WDFY3: variants seen among roughly 807,000 people sequenced by gnomAD.
The protein encoded by WDFY3 is WD repeat and FYVE domain-containing protein 3.
WDFY3 carries 66 observed loss-of-function variants against 409.6 expected under a neutral mutation model. The observed-to-expected ratio is 0.16, with a 90% CI of 0.13 to 0.20. The LOEUF is 0.20. Among genes scored for constraint, WDFY3 ranks in the 10% least tolerant of loss-of-function variants. The probability of loss-of-function intolerance (pLI) is 1.00; values close to 1 mark genes in which losing one functional copy is unlikely to be tolerated. For synonymous variants in WDFY3, 1,521 were observed against 1,537.1 expected (o/e 0.99, Z 0.25); for missense variants, 3,031 against 4,298.1 (o/e 0.71, Z 8.24).
chr4:84,935,339 T>C (rs1307132589), intron 1 of WDFY3, among the ~76,000 whole-genome samples: 8 of 152,206 alleles, frequency 5.3e-5, no homozygotes, highest in Admixed American at 3.9e-4. Context: ...TACCAAAAGG[T>C]AGTAGCAGAA....
At chr4:84,838,018 T>C (rs867633447) in intron 6 of WDFY3, among the ~76,000 whole-genome samples, 21 of 152,156 alleles carry the variant, frequency 1.4e-4, no homozygotes, top group African/African-American at 4.1e-4. Context: ...TAAAAGGGAT[T>C]GACTAACACT....
Position 84,857,913 on chromosome 4 carries a change from C to T in WDFY3, c.180+2499G>A, listed in dbSNP as rs548318888. 3.3e-5 allele frequency among the ~76,000 whole-genome samples: 5 copies of T among 152,244 alleles called. No individual in the cohort carries two copies. In the South Asian group the frequency reaches 1.0e-3, roughly 32 times the overall value. On this transcript the variant is annotated intron_variant, in intron 4 of 67. Coordinates refer to ENST00000295888, the MANE Select transcript of WDFY3 (RefSeq NM_014991.6). ...CTTCTGCCTTACCAGCCTATACAAA[C>T]CTCAATCTCAATAAATCAGGTATTG... is the stretch of plus-strand genomic sequence containing the variant.
chr4:84,796,536 G>A lies in WDFY3; in HGVS notation c.3152C>T (p.Ser1051Leu). The A allele has an allele frequency of 6.3e-7, 1 of 1,593,506 alleles. No homozygotes were observed. Residue 1051 changes from serine to leucine, a missense_variant, in exon 19 of 68, where the codon TCA becomes TTA. Transcript: ENST00000295888. Reference protein sequence around the residue: ...VTPAFVEFDTSLEGFGCLFLP... With the variant: ...VTPAFVEFDTLLEGFGCLFLP... ...AATTTCTTACCCAAACCCTTCAAGT[G>A]ATGTGTCAAATTCAACAAAAGCTGG...
Position 84,821,343 on chromosome 4 carries a change from G to A in WDFY3, c.1332C>T (p.Tyr444=). ...ISKLPEVQNK[Y]FEMLEFVVFS... is the part of the protein sequence containing the mutation. ...AAACAACAAACTCCAGCATCTCAAAGTATTTGTTTTGTACTTCTGGGAGTT... is the reference window on the plus strand; with the variant it reads ...AAACAACAAACTCCAGCATCTCAAAATATTTGTTTTGTACTTCTGGGAGTT... The change falls in exon 11 of 68, where the codon TAC becomes TAT. Residue 444 remains tyrosine, a synonymous_variant. Coordinates refer to ENST00000295888, the MANE Select transcript of WDFY3 (RefSeq NM_014991.6). 6.2e-7 allele frequency: 1 copy of A among 1,613,830 alleles called. No homozygotes were observed.
At chr4:84,831,357 A>T in intron 8 of WDFY3, 56 bp downstream of exon 8, 1 of 1,227,708 alleles carries the variant, frequency 8.1e-7, no homozygotes, top group South Asian at 2.4e-5. Context: ...ATCTATTATT[A>T]AATGAAGAAA....
At chr4:84,939,121 A>G (rs1434048644) in intron 1 of WDFY3, among the ~76,000 whole-genome samples, 1 of 152,058 alleles carries the variant, frequency 6.6e-6, no homozygotes, top group Non-Finnish European at 1.5e-5. Flanking sequence ...TTAATTTGGA[A>G]CACTTCCATA....
intron 7 of WDFY3, among the ~76,000 whole-genome samples, chr4:84,835,993 A>T (rs1478490481): frequency 6.6e-6 from 1 of 152,200 alleles, no homozygotes; most frequent in Non-Finnish European, 1.5e-5. Context: ...AACTAGATCT[A>T]AACATGTTGT....
intron 36 of WDFY3, among the ~76,000 whole-genome samples, chr4:84,747,106 G>T (rs1336362217): frequency 1.3e-5 from 2 of 152,162 alleles, no homozygotes; most frequent in Non-Finnish European, 2.9e-5. Context: ...ATCTGCTCTG[G>T]ACTCTGGTGG....
chr4:84,912,115 T>C lies in WDFY3; in HGVS notation c.-131-15105A>G, dbSNP rs552920104. 2.0e-5 allele frequency among the ~76,000 whole-genome samples: 3 copies of C among 152,342 alleles called. No homozygotes were observed. The East Asian group carries it at 5.8e-4, about 29-fold the overall frequency. On this transcript the variant is annotated intron_variant, in intron 2 of 67. Coordinates refer to ENST00000295888, the MANE Select transcript of WDFY3 (RefSeq NM_014991.6). ...AGGTTCATGCATATATTTTTCATCA[T>C]GTTTAGCTCAATATCATAAACCTTG...
intron 47 of WDFY3, among the ~76,000 whole-genome samples, chr4:84,720,767 C>T (rs1734729258): frequency 1.3e-5 from 2 of 152,124 alleles, no homozygotes; most frequent in Non-Finnish European, 2.9e-5. Flanking sequence ...ATTATCCAGC[C>T]TCAAGTATTC....
intron 53 of WDFY3, among the ~76,000 whole-genome samples, chr4:84,706,646 A>G (rs1731999101): frequency 6.6e-6 from 1 of 151,888 alleles, no homozygotes; most frequent in Non-Finnish European, 1.5e-5. Context: ...AAGGGTCCCC[A>G]TCACCGGGCT....
chr4:84,778,736 C>A, intron 26 of WDFY3, 81 bp from the exon 27 acceptor site: 1 of 1,362,352 alleles, frequency 7.3e-7, no homozygotes, highest in Non-Finnish European at 1.0e-6. Flanking sequence ...CACATACACA[C>A]ACAAACACAC....
At chr4:84,760,784 G>C (rs1560689546) in intron 32 of WDFY3, among the ~76,000 whole-genome samples, 2 of 145,924 alleles carry the variant, frequency 1.4e-5, no homozygotes, top group Non-Finnish European at 3.0e-5. Context: ...TTTTTGAAGG[G>C]TTTTTTGTGT....
chr4:84,847,285 C>A (rs932019464), intron 5 of WDFY3, among the ~76,000 whole-genome samples: 1 of 152,046 alleles, frequency 6.6e-6, no homozygotes, highest in Non-Finnish European at 1.5e-5. Flanking sequence ...CAGCCCACAG[C>A]TGCAAGCTTC....
chr4:84,704,432 G>A lies in WDFY3; in HGVS notation c.8348C>T (p.Ala2783Val). The change falls in exon 55 of 68, where the codon GCA becomes GTA. Residue 2783 changes from alanine to valine, a missense_variant. Physicochemically the swap from Ala to Val is moderately conservative, Grantham distance 64 (BLOSUM62 0). Coordinates refer to ENST00000295888, the MANE Select transcript of WDFY3 (RefSeq NM_014991.6). ...DWEDPNGETP[A>V]YHYGTHYSSA... ...TGAATAGTGGGTCCCATAGTGGTAT[G>A]CAGGAGTTTCTCCTGTTTAAGAAAA... 2 of 1,605,740 alleles carry A rather than the reference G, an allele frequency of 1.2e-6. No individual in the cohort carries two copies. The highest frequency in any genetic ancestry group is 1.7e-6 in the Non-Finnish European group (2 of 1,176,708).
At chr4:84,795,856 G>C (rs1749344068) in intron 19 of WDFY3, among the ~76,000 whole-genome samples, 1 of 151,512 alleles carries the variant, frequency 6.6e-6, no homozygotes, top group South Asian at 2.1e-4. Flanking sequence ...TGAACTTCAT[G>C]AATTCTTATA....
At chr4:84,769,478 G>A (rs1744252286) in intron 30 of WDFY3, among the ~76,000 whole-genome samples, 2 of 152,106 alleles carry the variant, frequency 1.3e-5, no homozygotes, top group South Asian at 2.1e-4. Flanking sequence ...GCAGTGGCGC[G>A]ATCTCGGCTC....
rs1484707851 is a variant in WDFY3 at position 84,801,884 on chromosome 4, CCA to C, written c.2608-22_2608-21del. 5 of 1,607,032 alleles carry C rather than the reference CCA, an allele frequency of 3.1e-6. No individual in the cohort carries two copies. Among genetic ancestry groups the C allele is most frequent in the South Asian group, 1.1e-5 (1 of 90,830 alleles). ...AGCATGCTAAAATCAACAAAGAAAT[CCA>C]CACAGTCAGGTCATTCTTAGTGAGA... On this transcript the variant is annotated intron_variant, in intron 16 of 67. Coordinates refer to ENST00000295888, the MANE Select transcript of WDFY3 (RefSeq NM_014991.6).
intron 62 of WDFY3, among the ~76,000 whole-genome samples, chr4:84,684,966 C>A (rs1354379016): frequency 6.6e-6 from 1 of 152,184 alleles, no homozygotes; most frequent in African/African-American, 2.4e-5. Flanking sequence ...GAGATTATCA[C>A]TAGCCCTGCT....
Sources: gnomAD v4.1 joint callset for allele counts (sites outside exome capture counted in the v4.1 genomes callset) on GRCh38, gnomAD v4.1.1 for gene constraint, MANE v1.5 for transcripts, NCBI Gene and HGNC (gene_info 2026-07-23, HGNC 2026-07-21) for gene names.